The following ZNF827 variants were observed in gnomAD, a reference collection of about 807,000 sequenced individuals.
The protein encoded by ZNF827 is zinc finger protein 827.
ZNF827 carries 13 observed loss-of-function variants against 102.4 expected under a neutral mutation model. The observed-to-expected ratio is 0.13, with a 90% CI of 0.08 to 0.20. The LOEUF (loss-of-function observed/expected upper bound fraction) is 0.20, where lower values mean the gene tolerates loss of function less well. Ranked by LOEUF, ZNF827 falls within the 10% of genes least tolerant of loss-of-function variation. The pLI is 1.00. For missense variants in ZNF827, 1,103 were observed against 1,344.4 expected (o/e 0.82, Z 2.81); for synonymous variants, 523 against 536.2 (o/e 0.98, Z 0.34).
chr4:145,769,295 G>T (rs185740184), intron 11 of ZNF827, among the ~76,000 whole-genome samples: 1 of 151,984 alleles, frequency 6.6e-6, no homozygotes, highest in Non-Finnish European at 1.5e-5. Context: ...TACCATTATT[G>T]CCATTTGCTT....
At chr4:145,818,786 G>A (rs1334172012) in intron 8 of ZNF827, among the ~76,000 whole-genome samples, 1 of 152,128 alleles carries the variant, frequency 6.6e-6, no homozygotes, top group Non-Finnish European at 1.5e-5. Flanking sequence ...TCTGACCAGG[G>A]GTGTGTCAGG....
intron 9 of ZNF827, 64 bp downstream of exon 9, chr4:145,779,310 C>T (rs963841901): frequency 1.7e-5 from 27 of 1,556,852 alleles, no homozygotes; most frequent in Non-Finnish European, 2.3e-5. Context: ...AACTCAGTTT[C>T]CGGAGAGTAA....
chr4:145,849,491 G>T lies in ZNF827; in HGVS notation c.2052C>A (p.Ser684=). The part of the protein sequence containing the change: ...EEPMEVDIQD[S]HVSISPSRNV... ...TCCGGCTGGGTGATATCGAGACATG[G>T]GAGTCCTGGATGTCAACCTCCATGG... Residue 684 remains serine, a synonymous_variant, in exon 6 of 15, where the codon TCC becomes TCA. Transcript: ENST00000508784. 2 of 1,614,180 alleles carry T rather than the reference G, an allele frequency of 1.2e-6. No individual in the cohort carries two copies. The highest frequency in any genetic ancestry group is 1.7e-6 in the Non-Finnish European group (2 of 1,180,026).
chr4:145,908,720 T>G (rs1186243066), intron 1 of ZNF827, among the ~76,000 whole-genome samples: 1 of 152,228 alleles, frequency 6.6e-6, no homozygotes, highest in Non-Finnish European at 1.5e-5. Context: ...CCTACTATGT[T>G]CAGGGAACTG....
chr4:145,841,407 A>G lies in ZNF827; in HGVS notation c.2279+4549T>C, dbSNP rs1745403800. On this transcript the variant is annotated intron_variant, in intron 7 of 14. Transcript: ENST00000508784. ...ATGTATTTTCATCTACCAAATGATC[A>G]TAATAGCTAGTTATCTGCTCCCTGT... 2.0e-5 allele frequency among the ~76,000 whole-genome samples: 3 copies of G among 152,232 alleles called. No homozygotes were observed. The South Asian group carries it at 6.2e-4, about 31-fold the overall frequency.
intron 5 of ZNF827, among the ~76,000 whole-genome samples, chr4:145,863,734 G>C (rs1475285769): frequency 6.9e-6 from 1 of 145,224 alleles, no homozygotes; most frequent in Non-Finnish European, 1.5e-5. Context: ...GGGTGGAGGT[G>C]GTGGGGATAG....
At chr4:145,877,479 C>T (rs956396447) in intron 4 of ZNF827, among the ~76,000 whole-genome samples, 80 of 152,148 alleles carry the variant, frequency 5.3e-4, no homozygotes, top group African/African-American at 1.8e-3. Flanking sequence ...AGAACATTTG[C>T]TAAATATTTT....
At chr4:145,788,187 A>G (rs946767358) in intron 8 of ZNF827, among the ~76,000 whole-genome samples, 2 of 152,220 alleles carry the variant, frequency 1.3e-5, no homozygotes, top group Non-Finnish European at 2.9e-5. Context: ...GTGCTAGGTA[A>G]CAGCTTAAAA....
intron 7 of ZNF827, among the ~76,000 whole-genome samples, chr4:145,842,594 G>C (rs1192970598): frequency 6.6e-6 from 1 of 152,202 alleles, no homozygotes; most frequent in Non-Finnish European, 1.5e-5. Flanking sequence ...GATAGAGTCA[G>C]CTCCTTTCTT....
chr4:145,858,223 C>T (rs903882136), intron 5 of ZNF827, among the ~76,000 whole-genome samples: 1 of 151,866 alleles, frequency 6.6e-6, no homozygotes, highest in African/African-American at 2.4e-5. Flanking sequence ...TGCCTATAAT[C>T]CCAGCCCTTT....
intron 8 of ZNF827, among the ~76,000 whole-genome samples, chr4:145,779,948 T>C (rs1462487974): frequency 6.6e-6 from 1 of 152,198 alleles, no homozygotes; most frequent in Non-Finnish European, 1.5e-5. Flanking sequence ...CCCAGCACTT[T>C]GGGAGGCTGA....
At chr4:145,931,455 C>T (rs960636979) in intron 1 of ZNF827, among the ~76,000 whole-genome samples, 1 of 152,208 alleles carries the variant, frequency 6.6e-6, no homozygotes, top group Non-Finnish European at 1.5e-5. Context: ...ATAACTAGGC[C>T]TGGCCTGGAT....
rs1734482338 is a variant in ZNF827, at chr4:145,761,435, T to C, written c.*181A>G. 1 of 1,289,692 alleles carries C rather than the reference T, an allele frequency of 7.8e-7. No individual in the cohort carries two copies. The highest frequency in any genetic ancestry group is 1.5e-5 in the African/African-American group (1 of 65,852). The allele number at this position is 1,289,692 out of a possible 1,614,324, so 79.9% of individuals were successfully genotyped here. A position where few individuals can be genotyped will look rare whatever the true frequency, so the allele number is the denominator to read the frequency against. Reference sequence around the variant, plus strand: ...GACAGGTAGCCGCACTGGTCGCACTTGTAGTGGTTGCCCAGGCGGTGCTCC... The same window carrying C: ...GACAGGTAGCCGCACTGGTCGCACTCGTAGTGGTTGCCCAGGCGGTGCTCC... On this transcript the variant is annotated 3_prime_UTR_variant, in exon 15 of 15. Coordinates refer to ENST00000508784, the MANE Select transcript of ZNF827 (RefSeq NM_001306215.2). The surrounding 1 kb of genome is among the most constrained non-coding windows in gnomAD (Gnocchi z 6.8).
intron 1 of ZNF827, among the ~76,000 whole-genome samples, chr4:145,917,999 A>G (rs375898546): frequency 3.8e-4 from 58 of 152,294 alleles, no homozygotes; most frequent in African/African-American, 1.3e-3. Context: ...GGCAATTTAA[A>G]GAAGTTATTT....
At chr4:145,806,280 TAACTGGGATC>T (rs996082149) in intron 8 of ZNF827, among the ~76,000 whole-genome samples, 3 of 151,240 alleles carry the variant, frequency 2.0e-5, no homozygotes, top group Non-Finnish European at 2.9e-5. Flanking sequence ...GCCTCCCAAG[TAACTGGGATC>T]ACAGGCACAC....
intron 4 of ZNF827, chr4:145,876,398 T>C (rs1265977408): frequency 6.6e-6 from 1 of 152,242 alleles, no homozygotes; most frequent in Non-Finnish European, 1.5e-5. Flanking sequence ...CCCCTGGGCA[T>C]ACCTGCCTTA....
intron 5 of ZNF827, among the ~76,000 whole-genome samples, chr4:145,853,325 C>A (rs1367643730): frequency 6.6e-6 from 1 of 152,210 alleles, no homozygotes; most frequent in African/African-American, 2.4e-5. Context: ...TGTCTACACA[C>A]ACAGGATTTT....
rs755365344 is a variant in ZNF827, at chr4:145,903,194, G to A, written c.65C>T (p.Ala22Val). The change falls in exon 2 of 15, where the codon GCG (alanine) becomes GTG (valine). Residue 22 changes from alanine to valine, a missense_variant. Ala to Val is a moderately conservative substitution (Grantham distance 64). Coordinates refer to ENST00000508784, the MANE Select transcript of ZNF827 (RefSeq NM_001306215.2). ...LPSHVSRQEE[A>V]EGELSEGEHW... ...TTCTCCTTCACTGAGCTCTCCCTCC[G>A]CCTCTTCCTGCCTACTAACATCTGG... is the stretch of plus-strand genomic sequence containing the variant. 20 of 1,609,718 alleles carry A rather than the reference G, an allele frequency of 1.2e-5. No individual in the cohort carries two copies. The Admixed American group carries it at 1.3e-4, about 11-fold the overall frequency.
At chr4:145,937,835 C>G (rs1334807437) in intron 1 of ZNF827, among the ~76,000 whole-genome samples, 2 of 151,052 alleles carry the variant, frequency 1.3e-5, no homozygotes, top group East Asian at 2.0e-4. Context: ...ATCCTGTACC[C>G]GGCGGCTGCT....
Sources: allele counts gnomAD v4.1 joint callset (sites outside exome capture counted in the v4.1 genomes callset), GRCh38; gene constraint gnomAD v4.1.1; non-coding constraint Gnocchi (gnomAD v3.1); transcripts MANE v1.5; gene names NCBI Gene and HGNC (gene_info 2026-07-23, HGNC 2026-07-21).